Variants in NAV2 observed in about 807,000 individuals in gnomAD.
The protein encoded by NAV2 is helicase, APC down-regulated 1.
Under a neutral mutation model 223.2 loss-of-function variants are expected in NAV2, and 54 were observed. The observed-to-expected ratio is 0.24, with a 90% CI of 0.19 to 0.30. The LOEUF is 0.30. Ranked by LOEUF, NAV2 falls within the 10% of genes least tolerant of loss-of-function variation. The pLI, the probability that NAV2 is intolerant of heterozygous loss-of-function variation, is 1.00. For synonymous variants in NAV2, 1,279 were observed against 1,239.3 expected, an observed-to-expected ratio of 1.03 and a Z score of -0.67; for missense variants, 2,806 against 3,147.5, an observed-to-expected ratio of 0.89 and a Z score of 2.60.
chr11:19,571,573 G>A (rs1368588596), intron 1 of NAV2, among the ~76,000 whole-genome samples: 1 of 152,094 alleles, frequency 6.6e-6, no homozygotes, highest in Admixed American at 6.6e-5. Flanking sequence ...AGGAGTGTTG[G>A]CATGTGCCTG....
intron 1 of NAV2, among the ~76,000 whole-genome samples, chr11:19,762,918 G>A (rs1383875282): frequency 1.3e-5 from 2 of 152,132 alleles, no homozygotes; most frequent in African/African-American, 4.8e-5. Context: ...AGCCAGGGAA[G>A]TCTTTTTTAT....
intron 11 of NAV2, among the ~76,000 whole-genome samples, chr11:20,025,920 T>G (rs2055018567): frequency 6.6e-6 from 1 of 152,218 alleles, no homozygotes; most frequent in Non-Finnish European, 1.5e-5. Flanking sequence ...GCAACTGACA[T>G]GCATGGACTC....
intron 1 of NAV2, among the ~76,000 whole-genome samples, chr11:19,529,605 G>A (rs2043960307): frequency 6.6e-6 from 1 of 152,214 alleles, no homozygotes; most frequent in South Asian, 2.1e-4. Context: ...CCCCACCTGG[G>A]ATATAAGTCC....
rs144223900 is a variant in NAV2 at position 19,471,874 on chromosome 11, T to A, written c.75+120847T>A. Among the ~76,000 whole-genome samples the A allele has an allele frequency of 6.3e-3, 956 of 152,290 alleles. 14 individuals carry two copies. The highest frequency in any genetic ancestry group is 0.022 in the African/African-American group (896 of 41,564). ...TTCACCCCACTGCTATTCCCACAGA[T>A]GCTGCTCTCAGATCCTCCCTCCTAC... is the stretch of plus-strand genomic sequence containing the variant. On this transcript the variant is annotated intron_variant, in intron 1 of 37. Transcript: ENST00000360655.
rs192202474 is a variant in NAV2, at chr11:19,573,492, G to A, written c.75+222465G>A. 1.3e-3 allele frequency among the ~76,000 whole-genome samples: 197 copies of A among 152,248 alleles called. 3 individuals carry two copies. Among genetic ancestry groups the A allele is most frequent in the Non-Finnish European group, 1.1e-3 (72 of 68,018 alleles). The stretch of plus-strand genomic sequence containing the variant: ...CATGCGTGAGTATATAGGTGGGAAG[G>A]AGGATTTCCTGGCGGGTTCTGATTT... On this transcript the variant is annotated intron_variant, in intron 1 of 37. Coordinates refer to the NAV2 transcript ENST00000360655.
At chr11:19,620,544 T>A (rs1374168054) in intron 1 of NAV2, among the ~76,000 whole-genome samples, 1 of 152,190 alleles carries the variant, frequency 6.6e-6, no homozygotes, top group African/African-American at 2.4e-5. Context: ...CATTCACTCA[T>A]GATTTGGCCC....
chr11:19,605,738 T>A (rs1207961213), intron 1 of NAV2, among the ~76,000 whole-genome samples: 1 of 152,134 alleles, frequency 6.6e-6, no homozygotes, highest in African/African-American at 2.4e-5. Context: ...CAATGCAGAC[T>A]TTTTCTAAGG....
chr11:19,787,270 C>CTT lies in NAV2; in HGVS notation c.268-45187_268-45186dup, dbSNP rs757183666. ...CATGCCTGGCTAATTTTTATTGGATCTTTTTTTTTTTTTTTTTTTTTTTTT... is the reference window on the plus strand; with the variant it reads ...CATGCCTGGCTAATTTTTATTGGATCTTTTTTTTTTTTTTTTTTTTTTTTTTT... On this transcript the variant is annotated intron_variant, in intron 1 of 37. Coordinates refer to ENST00000349880, the MANE Select transcript of NAV2 (RefSeq NM_145117.5). Among the ~76,000 whole-genome samples, 509 of 54,994 alleles carry CTT rather than the reference C, an allele frequency of 9.3e-3. 172 individuals are homozygous for CTT. The highest frequency in any genetic ancestry group is 0.013 in the African/African-American group (209 of 16,146). The allele number at this position is 54,994 out of a possible 152,430, so 36.1% of individuals were successfully genotyped here.
chr11:19,599,889 C>T (rs2046308506), intron 1 of NAV2, among the ~76,000 whole-genome samples: 1 of 152,220 alleles, frequency 6.6e-6, no homozygotes, highest in Admixed American at 6.5e-5. Context: ...AGAAAAATCT[C>T]AAGCCTCAAT....
chr11:20,112,332 G>C (rs191512916), intron 36 of NAV2, among the ~76,000 whole-genome samples: 187 of 152,302 alleles, frequency 1.2e-3, no homozygotes, highest in African/African-American at 4.4e-3. Flanking sequence ...GGTTAAGGAA[G>C]ACTTAGCAAC....
chr11:19,902,843 C>G (rs1402176163), intron 6 of NAV2, among the ~76,000 whole-genome samples: 1 of 152,190 alleles, frequency 6.6e-6, no homozygotes, highest in Non-Finnish European at 1.5e-5. Flanking sequence ...CAGTGTTCAA[C>G]AGCATGAGAA....
intron 1 of NAV2, among the ~76,000 whole-genome samples, chr11:19,660,766 G>T (rs1021706405): frequency 2.6e-5 from 4 of 152,104 alleles, no homozygotes; most frequent in Admixed American, 2.0e-4. Flanking sequence ...CTGCTCCAAG[G>T]TTCTGAAATG....
chr11:19,368,633 C>G (rs763919857), intron 1 of NAV2, among the ~76,000 whole-genome samples: 15 of 152,254 alleles, frequency 9.9e-5, no homozygotes, highest in Non-Finnish European at 1.9e-4. Flanking sequence ...CTAATGTTCA[C>G]TGGGTACTTA....
At chr11:19,955,295 T>A (rs2047754597) in intron 10 of NAV2, among the ~76,000 whole-genome samples, 1 of 151,770 alleles carries the variant, frequency 6.6e-6, no homozygotes, top group Non-Finnish European at 1.5e-5. Context: ...CCAGCTGAGG[T>A]GGAAGTATCA....
intron 11 of NAV2, among the ~76,000 whole-genome samples, chr11:20,022,354 C>A (rs773062404): frequency 3.3e-5 from 5 of 152,178 alleles, no homozygotes; most frequent in African/African-American, 9.7e-5. Context: ...CCCCTTCCAG[C>A]CTCTGTACCA....
intron 6 of NAV2, among the ~76,000 whole-genome samples, chr11:19,928,286 A>G (rs910993420): frequency 2.6e-5 from 4 of 152,240 alleles, no homozygotes; most frequent in Non-Finnish European, 5.9e-5. Context: ...TAATTTATAT[A>G]TGGCTAGTTA....
At chr11:19,637,047 G>A (rs73422485) in intron 1 of NAV2, among the ~76,000 whole-genome samples, 5 of 152,186 alleles carry the variant, frequency 3.3e-5, no homozygotes, top group African/African-American at 7.2e-5. Flanking sequence ...CCTCTGGGCC[G>A]TCTTTTTATG....
chr11:19,762,046 T>C (rs557560333), intron 1 of NAV2, among the ~76,000 whole-genome samples: 5 of 152,238 alleles, frequency 3.3e-5, no homozygotes, highest in Admixed American at 2.0e-4. Context: ...AGTTCAAGAC[T>C]AGCCTGGCTA....
intron 1 of NAV2, among the ~76,000 whole-genome samples, chr11:19,696,387 T>TCCAAACA (rs1490769730): frequency 2.0e-5 from 3 of 152,226 alleles, no homozygotes; most frequent in Admixed American, 2.0e-4. Flanking sequence ...AGAGTAAATG[T>TCCAAACA]CCAAACACTG....
Sources: allele counts gnomAD v4.1 joint callset (sites outside exome capture counted in the v4.1 genomes callset), GRCh38; gene constraint gnomAD v4.1.1; transcripts MANE v1.5; gene names NCBI Gene and HGNC (gene_info 2026-07-23, HGNC 2026-07-21).